Variants in RBFOX2 observed in about 807,000 individuals in gnomAD.
RBFOX2 encodes RNA binding protein fox-1 homolog 2.
In RBFOX2, 10 loss-of-function variants were observed where a neutral mutation model predicts 49.1. The observed-to-expected ratio is 0.20, with a 90% CI of 0.13 to 0.35. The LOEUF is 0.35. Among genes scored for constraint, RBFOX2 ranks in the 10% least tolerant of loss-of-function variants. The pLI is 1.00. For missense variants in RBFOX2, 323 were observed against 486.9 expected, an observed-to-expected ratio of 0.66 and a Z score of 3.17; for synonymous variants, 183 against 187.4, an observed-to-expected ratio of 0.98 and a Z score of 0.19.
intron 1 of RBFOX2, among the ~76,000 whole-genome samples, chr22:35,918,208 T>C (rs2050639120): frequency 6.6e-6 from 1 of 152,242 alleles, no homozygotes; most frequent in African/African-American, 2.4e-5. Flanking sequence ...CTGAAAGTTC[T>C]GGCAAAGTAG....
chr22:35,964,478 T>G (rs976898953), upstream of RBFOX2, among the ~76,000 whole-genome samples: 1 of 152,176 alleles, frequency 6.6e-6, no homozygotes, highest in African/African-American at 2.4e-5. Context: ...CATGCTGAAA[T>G]GAAATGACAA....
intron 1 of RBFOX2, among the ~76,000 whole-genome samples, chr22:35,914,840 A>G (rs1175896133): frequency 2.0e-5 from 3 of 152,226 alleles, no homozygotes; most frequent in Non-Finnish European, 4.4e-5. Context: ...ATTTCTGAAC[A>G]CTTGACCACC....
chr22:35,746,708 A>G, intron 9 of RBFOX2, 147 bp from the exon 12 acceptor site: 1 of 426,858 alleles, frequency 2.3e-6, no homozygotes, highest in Non-Finnish European at 4.2e-6. Context: ...AAAATGTTTC[A>G]AACTGCATCA....
Position 35,818,917 on chromosome 22 carries a change from T to C in RBFOX2, c.28-8913A>G, listed in dbSNP as rs76351362. On this transcript the variant is annotated intron_variant, in intron 1 of 11. Transcript: ENST00000405409. ...ATAAATTTTGTTGGGTATTCTGTTG[T>C]AGTCTACCTCTTTAAAATAGAAAAT... Among the ~76,000 whole-genome samples the C allele has an allele frequency of 2.9e-3, 442 of 152,362 alleles. 1 individual carries two copies. The highest frequency in any genetic ancestry group is 0.01 in the Middle Eastern group (3 of 294).
At chr22:35,799,571 ATATACT>A (rs1293736770) in intron 2 of RBFOX2, among the ~76,000 whole-genome samples, 3 of 152,190 alleles carry the variant, frequency 2.0e-5, no homozygotes, top group Non-Finnish European at 4.4e-5. Flanking sequence ...CATAAGCGAA[ATATACT>A]TAAATGGAGC....
At chr22:35,854,868 G>GA (rs896286180) in intron 1 of RBFOX2, among the ~76,000 whole-genome samples, 5 of 148,970 alleles carry the variant, frequency 3.4e-5, no homozygotes, top group Non-Finnish European at 7.4e-5. Context: ...AATACTGATG[G>GA]AAAAAAAAAG....
In RBFOX2 at chr22:35,782,417, G is replaced by A. The variant is rs931281137; in HGVS notation, c.253-671C>T. Among the ~76,000 whole-genome samples, 7 of 152,104 alleles carry A rather than the reference G, an allele frequency of 4.6e-5. No individual in the cohort carries two copies. The East Asian group carries it at 9.6e-4, about 21-fold the overall frequency. Reference sequence around the variant, plus strand: ...GGTCACTGCAAGCTCCACTTCCCGGGTTCACGCCATTCTCCTGCCTCAGCC... The same window carrying A: ...GGTCACTGCAAGCTCCACTTCCCGGATTCACGCCATTCTCCTGCCTCAGCC... On this transcript the variant is annotated intron_variant, in intron 2 of 11. Coordinates refer to ENST00000405409, the Ensembl canonical transcript of RBFOX2.
intron 1 of RBFOX2, among the ~76,000 whole-genome samples, chr22:35,819,124 A>C (rs954283851): frequency 6.6e-6 from 1 of 152,156 alleles, no homozygotes; most frequent in South Asian, 2.1e-4. Flanking sequence ...CTTCCTCACC[A>C]AATGAAGTGA....
upstream of RBFOX2, among the ~76,000 whole-genome samples, chr22:35,965,526 G>A (rs2056508104): frequency 6.6e-6 from 1 of 152,188 alleles, no homozygotes; most frequent in African/African-American, 2.4e-5. Flanking sequence ...CCTCAATGAA[G>A]AGGTTCTTTT....
intron 1 of RBFOX2, among the ~76,000 whole-genome samples, chr22:35,978,422 C>A (rs2057302217): frequency 1.3e-5 from 2 of 152,146 alleles, no homozygotes; most frequent in Non-Finnish European, 2.9e-5. Flanking sequence ...TTTGCTGAGA[C>A]AGCCTAGAGG....
chr22:35,850,193 T>TAC (rs58692076), intron 1 of RBFOX2, among the ~76,000 whole-genome samples: 27,831 of 132,268 alleles, frequency 0.21, 2,830 homozygotes, highest in Non-Finnish European at 0.23. Context: ...CTCTCTCTCA[T>TAC]ACACACACAC....
intron 1 of RBFOX2, among the ~76,000 whole-genome samples, chr22:35,959,083 C>T (rs534653894): frequency 3.9e-5 from 6 of 152,060 alleles, no homozygotes; most frequent in African/African-American, 1.4e-4. Context: ...CCACTGGTGG[C>T]CCTTTCTAAG....
chr22:35,789,605 A>C (rs1947180399), intron 2 of RBFOX2, among the ~76,000 whole-genome samples: 1 of 152,134 alleles, frequency 6.6e-6, no homozygotes, highest in African/African-American at 2.4e-5. Context: ...CAGCCAGATA[A>C]AGTTTTTCAT....
intron 1 of RBFOX2, among the ~76,000 whole-genome samples, chr22:35,857,693 T>C (rs1485553655): frequency 2.0e-5 from 3 of 152,146 alleles, no homozygotes; most frequent in African/African-American, 7.2e-5. Flanking sequence ...ACATTTATTA[T>C]ACATCAACCA....
At chr22:35,950,946 A>G (rs1174464034) in intron 1 of RBFOX2, among the ~76,000 whole-genome samples, 1 of 151,226 alleles carries the variant, frequency 6.6e-6, no homozygotes, top group Non-Finnish European at 1.5e-5. Context: ...TCTTATGGTA[A>G]AGAATTCTTT....
intron 1 of RBFOX2, among the ~76,000 whole-genome samples, chr22:36,023,120 T>C (rs2059307596): frequency 4.6e-5 from 7 of 152,076 alleles, no homozygotes; most frequent in Admixed American, 4.6e-4. Context: ...GCACCATGCT[T>C]AGTTTCAGCA....
In RBFOX2 at chr22:36,025,294, T is replaced by C. The variant is rs578143379; in HGVS notation, c.186+2946A>G. On this transcript the variant is annotated intron_variant, in intron 1 of 13. Coordinates refer to the RBFOX2 transcript ENST00000438146. Reference sequence around the variant, plus strand: ...CCTCACCTCCTCTACCTGAACCCTCTTTCCGAAAGCATCTGAATGGCCCAT... The same window carrying C: ...CCTCACCTCCTCTACCTGAACCCTCCTTCCGAAAGCATCTGAATGGCCCAT... Among the ~76,000 whole-genome samples the C allele has an allele frequency of 2.6e-5, 4 of 152,328 alleles. No homozygotes were observed. The East Asian group carries it at 7.7e-4, about 29-fold the overall frequency.
At chr22:35,935,022 T>C (rs1418933412) in intron 1 of RBFOX2, among the ~76,000 whole-genome samples, 1 of 151,954 alleles carries the variant, frequency 6.6e-6, no homozygotes, top group Non-Finnish European at 1.5e-5. Context: ...ACAGCCTCAA[T>C]CTCCCAGGTT....
intron 1 of RBFOX2, among the ~76,000 whole-genome samples, chr22:35,895,024 A>G (rs544796225): frequency 2.5e-4 from 37 of 149,402 alleles, no homozygotes; most frequent in Admixed American, 8.0e-4. Flanking sequence ...CCTCCGCTCC[A>G]GCTGACTGTT....
Sources: gnomAD v4.1 joint callset for allele counts (sites outside exome capture counted in the v4.1 genomes callset) on GRCh38, gnomAD v4.1.1 for gene constraint, MANE v1.5 for transcripts, NCBI Gene and HGNC (gene_info 2026-07-23, HGNC 2026-07-21) for gene names.